Variants in PRKACB observed in about 807,000 individuals in gnomAD.
PRKACB encodes the protein protein kinase cAMP-activated catalytic subunit beta.
A neutral mutation model predicts 51.4 loss-of-function variants in PRKACB; 16 were observed. That is an observed-to-expected ratio of 0.31 (90% CI 0.21 to 0.47). PRKACB has a LOEUF of 0.47. Among genes scored for constraint, PRKACB ranks in the 20% least tolerant of loss-of-function variants. The pLI is 1.00. For missense variants in PRKACB, 309 were observed against 464.5 expected, an observed-to-expected ratio of 0.67 and a Z score of 3.08; for synonymous variants, 147 against 154.4, an observed-to-expected ratio of 0.95 and a Z score of 0.35.
At position 84,237,916 on chromosome 1, in the gene PRKACB, A is replaced by C. The variant is rs1264445483; in HGVS notation, c.*2611A>C. The C allele has an allele frequency of 6.6e-6, 1 of 152,136 alleles. No individual in the cohort carries two copies. The highest frequency in any genetic ancestry group is 1.9e-4 in the East Asian group (1 of 5,200). The allele number at this position is 152,136 out of a possible 1,614,324, so 9.4% of individuals were successfully genotyped here. A position where few individuals can be genotyped will look rare whatever the true frequency, so the allele number is the denominator to read the frequency against. ...GGAAGAACTGGATTAGGCAGTTTGT[A>C]AGATTCCTCCTAACTTTCACAGTCG... is the stretch of plus-strand genomic sequence containing the variant. On this transcript the variant is annotated 3_prime_UTR_variant, in exon 10 of 10. Transcript: ENST00000370685.
At chr1:84,139,064 T>C (rs1653127523) in intron 1 of PRKACB, among the ~76,000 whole-genome samples, 1 of 152,160 alleles carries the variant, frequency 6.6e-6, no homozygotes, top group Non-Finnish European at 1.5e-5. Context: ...CAAAACAGTG[T>C]CTACAGCTAA....
intron 1 of PRKACB, among the ~76,000 whole-genome samples, chr1:84,115,397 G>T (rs1650550127): frequency 6.6e-6 from 1 of 151,670 alleles, no homozygotes; most frequent in African/African-American, 2.4e-5. Context: ...TAAGTTTTTT[G>T]AGTTTCTTGT....
chr1:84,196,118 G>GT (rs1246801666), intron 5 of PRKACB, among the ~76,000 whole-genome samples: 1 of 151,994 alleles, frequency 6.6e-6, no homozygotes, highest in Non-Finnish European at 1.5e-5. Context: ...TGTCATTTTT[G>GT]TAACAGGAAC....
At chr1:84,102,183 A>G (rs959565375) in intron 1 of PRKACB, among the ~76,000 whole-genome samples, 2 of 151,606 alleles carry the variant, frequency 1.3e-5, no homozygotes, top group Non-Finnish European at 2.9e-5. Flanking sequence ...AGCCTGGCCA[A>G]TGTGGTGAAA....
intron 1 of PRKACB, among the ~76,000 whole-genome samples, chr1:84,146,932 TA>T (rs1654177479): frequency 6.6e-6 from 1 of 152,050 alleles, no homozygotes; most frequent in Non-Finnish European, 1.5e-5. Context: ...CATGCACATA[TA>T]AATACATGAA....
chr1:84,135,197 A>T (rs1369404798), intron 1 of PRKACB, among the ~76,000 whole-genome samples: 1 of 152,168 alleles, frequency 6.6e-6, no homozygotes, highest in Non-Finnish European at 1.5e-5. Context: ...AGCATTACAT[A>T]CGTATTTGGC....
intron 1 of PRKACB, chr1:84,164,874 G>A (rs898020907): frequency 1.6e-5 from 22 of 1,385,956 alleles, no homozygotes; most frequent in South Asian, 9.9e-5. Context: ...AGCTCTTTTC[G>A]TTTTCTGTGT....
chr1:84,185,082 C>A lies in PRKACB; in HGVS notation c.478-18C>A. The A allele has an allele frequency of 2.1e-6, 3 of 1,396,194 alleles. No homozygotes were observed. Among genetic ancestry groups the A allele is most frequent in the South Asian group, 1.4e-5 (1 of 72,558 alleles). 86.5% of individuals were successfully genotyped at this position (1,396,194 alleles called of 1,614,324 possible). On this transcript the variant is annotated intron_variant, in intron 4 of 9. Coordinates refer to ENST00000370685, the MANE Select transcript of PRKACB (RefSeq NM_182948.4). Reference sequence around the variant, plus strand: ...GACCTAAGTTGAATAATTGTATTTCCTTTTTATTTGTTCATAGGATAATTC... The same window carrying A: ...GACCTAAGTTGAATAATTGTATTTCATTTTTATTTGTTCATAGGATAATTC...
exon 1 of PRKACB, chr1:84,078,216 C>G: frequency 7.8e-7 from 1 of 1,277,574 alleles, no homozygotes; most frequent in South Asian, 1.4e-5. Flanking sequence ...GCTAGGCGCA[C>G]TCACCGCTCT....
At chr1:84,090,475 A>G (rs998503970) in intron 1 of PRKACB, among the ~76,000 whole-genome samples, 1 of 152,144 alleles carries the variant, frequency 6.6e-6, no homozygotes, top group Non-Finnish European at 1.5e-5. Context: ...TCAGCTATGC[A>G]CTCTATATGA....
intron 8 of PRKACB, chr1:84,204,837 A>T: frequency 1.0e-6 from 1 of 985,506 alleles, no homozygotes; most frequent in Non-Finnish European, 1.2e-6. Context: ...GCTTTAGTTA[A>T]AATTAATGTG....
intron 8 of PRKACB, 26 bp downstream of exon 8, chr1:84,202,831 C>T (rs770988381): frequency 2.6e-6 from 4 of 1,538,694 alleles, no homozygotes; most frequent in East Asian, 2.3e-5. Context: ...TATTATTCCT[C>T]TCTTATTACT....
chr1:84,105,817 A>T (rs1342347668), intron 1 of PRKACB, among the ~76,000 whole-genome samples: 1 of 152,008 alleles, frequency 6.6e-6, no homozygotes, highest in Non-Finnish European at 1.5e-5. Context: ...ACCTCAGGAG[A>T]TCCACCTGCC....
At chr1:84,205,424 C>A (rs889929986) in intron 8 of PRKACB, 11 of 258,362 alleles carry the variant, frequency 4.3e-5, no homozygotes, top group African/African-American at 2.5e-4. Context: ...TATTAAAAAT[C>A]CAATTTGGTC....
At chr1:84,089,488 GTA>G (rs1648285158) in intron 1 of PRKACB, among the ~76,000 whole-genome samples, 2 of 152,148 alleles carry the variant, frequency 1.3e-5, no homozygotes, top group Non-Finnish European at 2.9e-5. Context: ...TTCAAGGCAT[GTA>G]TCATTCAACT....
chr1:84,182,090 G>A (rs181366824), intron 2 of PRKACB, 110 bp from the exon 3 acceptor site: 365 of 815,606 alleles, frequency 4.5e-4, no homozygotes, highest in Non-Finnish European at 5.9e-4. Context: ...GCATTTAAAT[G>A]GATAGTTATA....
intron 9 of PRKACB, among the ~76,000 whole-genome samples, chr1:84,219,176 G>T (rs1360870123): frequency 5.3e-5 from 8 of 150,092 alleles, no homozygotes; most frequent in African/African-American, 1.7e-4. Context: ...TGTTTTTGTT[G>T]CTTGTACTTT....
At chr1:84,226,968 G>A (rs1048805908) in intron 9 of PRKACB, among the ~76,000 whole-genome samples, 11 of 152,086 alleles carry the variant, frequency 7.2e-5, no homozygotes, top group Admixed American at 1.3e-4. Flanking sequence ...ATGTTAGTGT[G>A]ATGAATTATA....
chr1:84,188,783 A>G (rs930871891), intron 5 of PRKACB, among the ~76,000 whole-genome samples: 1 of 151,916 alleles, frequency 6.6e-6, no homozygotes, highest in African/African-American at 2.4e-5. Context: ...GAAAATCCCA[A>G]AGCTAATTCT....
Sources: gnomAD v4.1 joint callset for allele counts (sites outside exome capture counted in the v4.1 genomes callset) on GRCh38, gnomAD v4.1.1 for gene constraint, MANE v1.5 for transcripts, NCBI Gene and HGNC (gene_info 2026-07-23, HGNC 2026-07-21) for gene names.